Variants in GLB1 observed in about 807,000 individuals in gnomAD.
GLB1 encodes the protein galactosidase beta 1.
In GLB1, 56 loss-of-function variants were observed where a neutral mutation model predicts 74.0. The observed-to-expected ratio is 0.76, with a 90% CI of 0.61 to 0.94. GLB1 has a LOEUF of 0.94. GLB1 is among the 40% of genes least tolerant of loss of function. The pLI is 0.00. For synonymous variants in GLB1, 323 were observed against 323.6 expected (o/e 1.00, Z 0.02); for missense variants, 787 against 845.5 (o/e 0.93, Z 0.86).
At chr3:32,988,142 C>T in the GLB1 span, among the ~76,000 whole-genome samples, 74 of 134,884 alleles carry the variant, frequency 5.5e-4, no homozygotes, top group Non-Finnish European at 9.1e-4. Context: ...GCCAAGATTA[C>T]GTCATTGCAC....
chr3:33,000,757 C>A (rs1224505735), intron 15 of GLB1, among the ~76,000 whole-genome samples: 2 of 151,944 alleles, frequency 1.3e-5, no homozygotes, highest in East Asian at 1.9e-4. Flanking sequence ...ACAGAAAAAA[C>A]CCAACAATAT....
Position 33,031,611 on chromosome 3 carries a change from C to CAAAAAAA in GLB1, c.1069-7293_1069-7287dup, listed in dbSNP as rs1255172812. On this transcript the variant is annotated intron_variant, in intron 10 of 15. Transcript: ENST00000307363. ...TGGGTGACAGAGCAAGGCTCTGTCT[C>CAAAAAAA]AAAAAAAAAAAAAAAAAAAAAAAAA... 9.1e-5 allele frequency among the ~76,000 whole-genome samples: 2 copies of CAAAAAAA among 22,060 alleles called. 1 individual carries two copies. The highest frequency in any genetic ancestry group is 4.3e-4 in the African/African-American group (2 of 4,624). 14.5% of individuals were successfully genotyped at this position (22,060 alleles called of 152,430 possible).
At position 33,093,742 on chromosome 3, in the gene GLB1, C is replaced by G; in HGVS notation, c.75+3269G>C. The G allele has an allele frequency of 6.2e-7, 1 of 1,613,914 alleles. No homozygotes were observed. Among genetic ancestry groups the G allele is most frequent in the Non-Finnish European group, 8.5e-7 (1 of 1,179,902 alleles). ...CTTGTCTTCTCAAGGCTGCCCACGA[C>G]CCTACCACTGCGCCAGGCCAAGAGC... On this transcript the variant is annotated intron_variant, in intron 1 of 15. Transcript: ENST00000307363. This position sits in a 1 kb window ranked among gnomAD's most constrained non-coding sequence, Gnocchi z 6.0.
the GLB1 span, among the ~76,000 whole-genome samples, chr3:32,978,444 A>G: frequency 6.6e-6 from 1 of 152,212 alleles, no homozygotes; most frequent in Non-Finnish European, 1.5e-5. Flanking sequence ...AAGCTCTTAC[A>G]TCGTGGACTC....
intron 14 of GLB1, 116 bp from the exon 15 acceptor site, chr3:33,014,426 AT>A (rs1697159362): frequency 1.4e-6 from 2 of 1,476,230 alleles, no homozygotes; most frequent in Admixed American, 2.0e-5. Context: ...CCAACAGGAA[AT>A]GAACCTCGAA....
chr3:33,021,044 T>C (rs944536928), intron 12 of GLB1, among the ~76,000 whole-genome samples: 21 of 112,526 alleles, frequency 1.9e-4, no homozygotes, highest in Non-Finnish European at 3.7e-4. Flanking sequence ...TTTAAAAAAA[T>C]AAAGATGAGG....
In GLB1 at chr3:33,021,671, A is replaced by C. The variant is rs1179234230; in HGVS notation, c.1144-16T>G. 3.7e-6 allele frequency: 6 copies of C among 1,611,730 alleles called. No individual in the cohort carries two copies. The highest frequency in any genetic ancestry group is 3.4e-6 in the Non-Finnish European group (4 of 1,178,964). ...CTGTCTTTAACTGAAAAGAAACAAA[A>C]GCAGCATTCACACACTGCACCCCTC... On this transcript the variant is annotated splice_polypyrimidine_tract_variant and intron_variant, in intron 11 of 15. Transcript: ENST00000307363.
intron 13 of GLB1, among the ~76,000 whole-genome samples, chr3:33,017,564 T>A (rs1490873706): frequency 1.3e-5 from 2 of 152,208 alleles, no homozygotes; most frequent in Non-Finnish European, 2.9e-5. Flanking sequence ...ACAAATTTTC[T>A]TGGTGAAGAA....
intron 15 of GLB1, among the ~76,000 whole-genome samples, chr3:33,011,148 A>G (rs992147019): frequency 3.3e-5 from 5 of 152,092 alleles, no homozygotes; most frequent in African/African-American, 1.2e-4. Context: ...ATGAGCCACC[A>G]CACCCAGTAA....
chr3:33,083,552 G>A (rs967338784), intron 1 of GLB1, among the ~76,000 whole-genome samples: 1 of 152,118 alleles, frequency 6.6e-6, no homozygotes, highest in African/African-American at 2.4e-5. Flanking sequence ...ATGAATTGGC[G>A]CAGGAATGCA....
At chr3:33,045,793 G>C in intron 10 of GLB1, 2 of 1,178,588 alleles carry the variant, frequency 1.7e-6, no homozygotes, top group Non-Finnish European at 2.1e-6. Flanking sequence ...ATCTGGCCTG[G>C]AAGGAGAAGA....
At chr3:32,981,539 C>T in the GLB1 span, among the ~76,000 whole-genome samples, 2 of 151,808 alleles carry the variant, frequency 1.3e-5, no homozygotes, top group Admixed American at 6.6e-5. Flanking sequence ...TTTGGGAGGC[C>T]GATATGGGTA....
Position 33,018,541 on chromosome 3 carries a change from G to A in GLB1, c.1254C>T (p.Tyr418=). 6.2e-7 allele frequency: 1 copy of A among 1,613,990 alleles called. No individual in the cohort carries two copies. The highest frequency in any genetic ancestry group is 2.2e-5 in the East Asian group (1 of 44,878). ...TGCAATCTTGAGGAAGTGTTGTCCG[G>A]TACAGCACAAACCCATAATGCTGGT... ...QVKQHYGFVL[Y]RTTLPQDCSN... is the part of the protein sequence containing the mutation. Residue 418 remains tyrosine, a synonymous_variant, in exon 13 of 16, where the codon TAC becomes TAT. Coordinates refer to ENST00000307363, the MANE Select transcript of GLB1 (RefSeq NM_000404.4).
At chr3:33,032,373 TG>T (rs1353172454) in intron 10 of GLB1, among the ~76,000 whole-genome samples, 44 of 152,258 alleles carry the variant, frequency 2.9e-4, no homozygotes, top group African/African-American at 8.4e-4. Flanking sequence ...AATATTGAGC[TG>T]AATAAGCCCA....
chr3:33,007,087 G>A (rs1696818070), intron 15 of GLB1, among the ~76,000 whole-genome samples: 1 of 152,164 alleles, frequency 6.6e-6, no homozygotes. Flanking sequence ...GTCCCCAGCA[G>A]CAGGGACCAC....
At position 33,091,641 on chromosome 3, in the gene GLB1, G is replaced by T; in HGVS notation, c.75+5370C>A. On this transcript the variant is annotated intron_variant, in intron 1 of 15. Coordinates refer to ENST00000307363, the MANE Select transcript of GLB1 (RefSeq NM_000404.4). ...GACAAAACAATCTTGAGGTAGATAC[G>T]ATAATTATCCCCATTTTAGGGTTGA... The T allele has an allele frequency of 3.0e-6, 3 of 984,188 alleles. No individual in the cohort carries two copies. In the South Asian group the frequency reaches 1.4e-4, roughly 46 times the overall value. 61.0% of individuals were successfully genotyped at this position (984,188 alleles called of 1,614,324 possible).
Position 32,997,331 on chromosome 3 carries a change from A to G in GLB1, c.1748T>C (p.Ile583Thr). The G allele has an allele frequency of 6.2e-7, 1 of 1,613,206 alleles. No individual in the cohort carries two copies. Among genetic ancestry groups the G allele is most frequent in the Admixed American group, 1.7e-5 (1 of 60,020 alleles). ...FPGWTKGQVWINGFNLGRYWP... is the reference protein window; with the variant it reads ...FPGWTKGQVWTNGFNLGRYWP... Reference sequence around the variant, plus strand: ...ATAGCGGCCAAGGTTAAAGCCATTAATCCAGACCTGGCCCTGGAGAGAGAG... The same window carrying G: ...ATAGCGGCCAAGGTTAAAGCCATTAGTCCAGACCTGGCCCTGGAGAGAGAG... Residue 583 changes from isoleucine (I) to threonine (T), a missense_variant, in exon 16 of 16, where the codon ATT becomes ACT. Physicochemically the swap from Ile to Thr is moderately conservative, Grantham distance 89. Coordinates refer to ENST00000307363, the MANE Select transcript of GLB1 (RefSeq NM_000404.4).
At chr3:33,091,762 A>AGC (rs1700773484) in intron 1 of GLB1, 1 of 984,966 alleles carries the variant, frequency 1.0e-6, no homozygotes, top group Non-Finnish European at 1.2e-6. Flanking sequence ...GAGTGTCTTC[A>AGC]CTCCCCATTG....
In GLB1 at chr3:33,096,975, G is replaced by A. The variant is rs1252772376; in HGVS notation, c.75+36C>T. 2.5e-6 allele frequency: 4 copies of A among 1,606,770 alleles called. No homozygotes were observed. In the Admixed American group the frequency reaches 5.1e-5, roughly 20 times the overall value. On this transcript the variant is annotated intron_variant, in intron 1 of 15. Coordinates refer to ENST00000307363, the MANE Select transcript of GLB1 (RefSeq NM_000404.4). ...CGGTTCCCCGCCAGCCTGTCCCCTA[G>A]CAATGCCTCCCCGTACCCGGGTCCC...
Sources: allele counts gnomAD v4.1 joint callset (sites outside exome capture counted in the v4.1 genomes callset), GRCh38; gene constraint gnomAD v4.1.1; non-coding constraint Gnocchi (gnomAD v3.1); transcripts MANE v1.5; gene names NCBI Gene and HGNC (gene_info 2026-07-23, HGNC 2026-07-21).